USP43: variants seen among roughly 807,000 people sequenced by gnomAD.
USP43 encodes the protein ubiquitin specific peptidase 43.
A neutral mutation model predicts 90.7 loss-of-function variants in USP43; 33 were observed. That is an observed-to-expected ratio of 0.36 (90% CI 0.28 to 0.49). USP43 has a LOEUF of 0.49. Among genes scored for constraint, USP43 ranks in the 20% least tolerant of loss-of-function variants. The probability of loss-of-function intolerance (pLI) is 0.98; values close to 1 mark genes in which losing one functional copy is unlikely to be tolerated. For missense variants in USP43, 1,274 were observed against 1,476.4 expected (o/e 0.86, Z 2.25); for synonymous variants, 598 against 615.8 (o/e 0.97, Z 0.43).
At position 9,728,180 on chromosome 17, in the gene USP43, G is replaced by T. The variant is rs370287981; in HGVS notation, c.2562G>T (p.Thr854=). ...STSQSIVSLL[T]GTAGEDEKSA... ...GCCAGTCCATTGTGTCGCTGTTGAC[G>T]GGCACTGCGGGTGAGGATGAGAAGT... is the stretch of plus-strand genomic sequence containing the variant. The change falls in exon 15 of 15, where the codon ACG becomes ACT. Residue 854 remains threonine, a synonymous_variant. Transcript: ENST00000285199. This position sits in a 1 kb window ranked among gnomAD's most constrained non-coding sequence, Gnocchi z 6.2. 6.2e-7 allele frequency: 1 copy of T among 1,613,812 alleles called. No individual in the cohort carries two copies. Among genetic ancestry groups the T allele is most frequent in the Non-Finnish European group, 8.5e-7 (1 of 1,179,902 alleles).
intron 14 of USP43, among the ~76,000 whole-genome samples, chr17:9,719,710 T>A (rs1362447968): frequency 6.6e-6 from 1 of 152,154 alleles, no homozygotes; most frequent in African/African-American, 2.4e-5. Flanking sequence ...CTTTCCCTCT[T>A]GGAGTTTGAC....
Position 9,663,825 on chromosome 17 carries a change from A to G in USP43, c.637-2823A>G, listed in dbSNP as rs531371025. 4.6e-5 allele frequency among the ~76,000 whole-genome samples: 7 copies of G among 151,970 alleles called. No individual in the cohort carries two copies. In the East Asian group the frequency reaches 1.4e-3, roughly 30 times the overall value. ...TTTTTGGTAGAGACGAGGTTTCGCC[A>G]TATTGGCCAGGTTGGTCTTGAACTT... On this transcript the variant is annotated intron_variant, in intron 2 of 14. Coordinates refer to ENST00000285199, the MANE Select transcript of USP43 (RefSeq NM_153210.5).
At chr17:9,683,405 A>C (rs11869771) in intron 7 of USP43, among the ~76,000 whole-genome samples, 49,692 of 151,826 alleles carry the variant, frequency 0.33, 9,546 homozygotes, top group East Asian at 0.63. Context: ...GCCCAAATAA[A>C]GTGTTTAAAA....
At chr17:9,647,187 A>G (rs1028370529) in intron 1 of USP43, 1 of 151,990 alleles carries the variant, frequency 6.6e-6, no homozygotes, top group Non-Finnish European at 1.5e-5. Context: ...GAAACCTGTC[A>G]GTGTTCATTC....
At position 9,674,047 on chromosome 17, in the gene USP43, CAG is replaced by C. The variant is rs948816608; in HGVS notation, c.741-842_741-841del. Among the ~76,000 whole-genome samples the C allele has an allele frequency of 5.9e-5, 9 of 152,092 alleles. No homozygotes were observed. The highest frequency in any genetic ancestry group is 2.2e-4 in the African/African-American group (9 of 41,406). ...GGACCCCTCTCTACCCACCTTGAAACAGAATCTCTGGGAGTGGGGCCTGGACA... is the reference window on the plus strand; with the variant it reads ...GGACCCCTCTCTACCCACCTTGAAACAATCTCTGGGAGTGGGGCCTGGACA... On this transcript the variant is annotated intron_variant, in intron 3 of 14. Transcript: ENST00000285199. This position sits in a 1 kb window ranked among gnomAD's most constrained non-coding sequence, Gnocchi z 4.4.
rs1390199049 is a variant in USP43 at position 9,701,517 on chromosome 17, C to G, written c.1828C>G (p.Leu610Val). The G allele has an allele frequency of 6.4e-7, 1 of 1,566,300 alleles. No individual in the cohort carries two copies. The highest frequency in any genetic ancestry group is 1.4e-5 in the African/African-American group (1 of 73,696). The change falls in exon 12 of 15, where the codon CTC becomes GTC. Residue 610 changes from leucine to valine, a missense_variant. Physicochemically the swap from Leu to Val is conservative, Grantham distance 32 (BLOSUM62 1). Coordinates refer to ENST00000285199, the MANE Select transcript of USP43 (RefSeq NM_153210.5). The surrounding 1 kb of genome is among the most constrained non-coding windows in gnomAD (Gnocchi z 7.2). ...GCTCTCCACGCTGGTGAAGTTTCCG[C>G]TCTCTGGACTCAACATGGCTCCCCA... ...NKLSTLVKFP[L>V]SGLNMAPHVA... is the part of the protein sequence containing the mutation.
At chr17:9,705,452 ACTAT>A (rs1915814735) in intron 12 of USP43, among the ~76,000 whole-genome samples, 1 of 152,102 alleles carries the variant, frequency 6.6e-6, no homozygotes, top group African/African-American at 2.4e-5. Context: ...TCATTCTTTT[ACTAT>A]TACAAATGTT....
Position 9,712,070 on chromosome 17 carries a change from C to T in USP43, c.2273C>T (p.Pro758Leu). The T allele has an allele frequency of 6.2e-7, 1 of 1,611,626 alleles. No individual in the cohort carries two copies. Among genetic ancestry groups the T allele is most frequent in the Non-Finnish European group, 8.5e-7 (1 of 1,178,562 alleles). Residue 758 changes from proline (P) to leucine (L), a missense_variant, in exon 14 of 15, where the codon CCC (proline) becomes CTC (leucine). Physicochemically the swap from Pro to Leu is moderately conservative, Grantham distance 98. Around this residue, in one of 6 missense-constraint regions of USP43, gnomAD observed 285 missense variants for 349.6 expected, o/e 0.82. Transcript: ENST00000285199. ...CTGTCCTGGAGCTCTGCCCCCTGCCCCTCCCTGCCCCAGGTTCCTGACTCT... is the reference window on the plus strand; with the variant it reads ...CTGTCCTGGAGCTCTGCCCCCTGCCTCTCCCTGCCCCAGGTTCCTGACTCT... ...SLLSWSSAPC[P>L]SLPQVPDSPI... is the part of the protein sequence containing the mutation.
intron 14 of USP43, among the ~76,000 whole-genome samples, chr17:9,721,381 G>T (rs1453115656): frequency 6.6e-6 from 1 of 152,240 alleles, no homozygotes; most frequent in East Asian, 1.9e-4. Context: ...AACTCTTTCA[G>T]ATTATTTTGG....
chr17:9,675,576 T>C (rs1304317615), intron 4 of USP43, among the ~76,000 whole-genome samples: 1 of 152,112 alleles, frequency 6.6e-6, no homozygotes, highest in Non-Finnish European at 1.5e-5. Context: ...ATGTGGGGTG[T>C]CTTCTCTGGC....
In USP43 at chr17:9,728,930, A is replaced by C; in HGVS notation, c.3312A>C (p.Arg1104Ser). ...AGGCTTCTTATGGCACCTTTCAGAGAGTCAAATATCACACTCTTTCTTTAG... is the reference window on the plus strand; with the variant it reads ...AGGCTTCTTATGGCACCTTTCAGAGCGTCAAATATCACACTCTTTCTTTAG... The part of the protein sequence containing the change: ...GEQASYGTFQ[R>S]VKYHTLSLGR... The change falls in exon 15 of 15, where the codon AGA (arginine) becomes AGC (serine). Residue 1104 changes from arginine (R) to serine (S), a missense_variant. Physicochemically the swap from Arg to Ser is moderately radical, Grantham distance 110. Coordinates refer to ENST00000285199, the MANE Select transcript of USP43 (RefSeq NM_153210.5). This position sits in a 1 kb window ranked among gnomAD's most constrained non-coding sequence, Gnocchi z 6.2. 1 of 1,605,928 alleles carries C rather than the reference A, an allele frequency of 6.2e-7. No individual in the cohort carries two copies. Among genetic ancestry groups the C allele is most frequent in the Non-Finnish European group, 8.5e-7 (1 of 1,175,808 alleles).
chr17:9,679,053 TAGTAA>T (rs1913984235), intron 5 of USP43, among the ~76,000 whole-genome samples: 3 of 152,296 alleles, frequency 2.0e-5, no homozygotes, highest in Admixed American at 1.3e-4. Context: ...CCAACTGTAA[TAGTAA>T]TAATAGTTAT....
At chr17:9,662,291 A>G (rs192289176) in intron 2 of USP43, among the ~76,000 whole-genome samples, 3 of 152,130 alleles carry the variant, frequency 2.0e-5, no homozygotes, top group Non-Finnish European at 4.4e-5. Flanking sequence ...GGGGCAGTCA[A>G]AATAGGCTAG....
intron 14 of USP43, 44 bp downstream of exon 14, chr17:9,712,176 T>C: frequency 2.6e-6 from 4 of 1,514,914 alleles, no homozygotes; most frequent in African/African-American, 1.4e-5. Context: ...TTTTCTGTAA[T>C]GTCTGTTGTT....
intron 1 of USP43, among the ~76,000 whole-genome samples, chr17:9,651,970 A>G (rs1416881857): frequency 6.6e-6 from 1 of 152,212 alleles, no homozygotes; most frequent in African/African-American, 2.4e-5. Context: ...TTGTATTCAG[A>G]AAACAACCAG....
At chr17:9,648,938 C>CCTCTCTCTCTCTCTCTCT (rs112759856) in intron 1 of USP43, among the ~76,000 whole-genome samples, 7 of 129,814 alleles carry the variant, frequency 5.4e-5, no homozygotes, top group African/African-American at 2.2e-4. Context: ...TGTCTCTCTC[C>CCTCTCTCTCTCTCTCTCT]CTCTCTCTCT....
At chr17:9,712,281 ATGACC>A in intron 14 of USP43, 149 bp downstream of exon 14, 1 of 1,000,502 alleles carries the variant, frequency 1.0e-6, no homozygotes, top group Non-Finnish European at 1.3e-6. Context: ...GGGGTCTTCT[ATGACC>A]TGCCCTTCCT....
intron 3 of USP43, among the ~76,000 whole-genome samples, chr17:9,671,404 G>A (rs370663235): frequency 1.3e-5 from 2 of 152,126 alleles, no homozygotes; most frequent in Non-Finnish European, 2.9e-5. Flanking sequence ...TCTTGCTTAC[G>A]TATTGGCATA....
At position 9,693,338 on chromosome 17, in the gene USP43, G is replaced by C. The variant is rs1915072199; in HGVS notation, c.1457+108G>C. ...ATTGCTCATAGTATTTGTTATTCTT[G>C]ATCACTTACCTCTCCAGTACCAGCC... On this transcript the variant is annotated intron_variant, in intron 9 of 14. Transcript: ENST00000285199. The C allele has an allele frequency of 4.3e-6, 4 of 939,464 alleles. No individual in the cohort carries two copies. The East Asian group carries it at 1.1e-4, about 25-fold the overall frequency. 58.2% of individuals were successfully genotyped at this position (939,464 alleles called of 1,614,324 possible).
Sources: gnomAD v4.1 joint callset for allele counts (sites outside exome capture counted in the v4.1 genomes callset) on GRCh38, gnomAD v4.1.1 for gene constraint, gnomAD v4.1.1 regional missense constraint, Gnocchi (gnomAD v3.1) non-coding constraint, MANE v1.5 for transcripts, NCBI Gene and HGNC (gene_info 2026-07-23, HGNC 2026-07-21) for gene names.